SREK1IP1: variants seen among roughly 807,000 people sequenced by gnomAD.
SREK1IP1 encodes the protein SREK1 interacting protein 1, also known as protein SREK1IP1.
SREK1IP1 carries 12 observed loss-of-function variants against 22.8 expected under a neutral mutation model. The observed-to-expected ratio is 0.53, with a 90% confidence interval of 0.34 to 0.85. The LOEUF is 0.85. SREK1IP1 is among the 40% of genes least tolerant of loss of function. The pLI, the probability that SREK1IP1 is intolerant of heterozygous loss-of-function variation, is 0.02. For synonymous variants in SREK1IP1, 53 were observed against 52.7 expected, an observed-to-expected ratio of 1.01 and a Z score of -0.02; for missense variants, 147 against 171.8, an observed-to-expected ratio of 0.86 and a Z score of 0.81.
At chr5:64,752,818 T>C (rs1742773217) in intron 2 of SREK1IP1, among the ~76,000 whole-genome samples, 2 of 152,184 alleles carry the variant, frequency 1.3e-5, no homozygotes, top group Non-Finnish European at 2.9e-5. Flanking sequence ...ATGAAATTTC[T>C]ATTAGAAAGA....
At chr5:64,763,930 A>G (rs76651385) in intron 1 of SREK1IP1, among the ~76,000 whole-genome samples, 8,248 of 152,248 alleles carry the variant, frequency 0.054, 756 homozygotes, top group African/African-American at 0.19. Context: ...GCACAATTTA[A>G]CATTATTATA....
At chr5:64,739,981 T>A (rs1742526759) in intron 3 of SREK1IP1, among the ~76,000 whole-genome samples, 1 of 152,162 alleles carries the variant, frequency 6.6e-6, no homozygotes, top group African/African-American at 2.4e-5. Flanking sequence ...CTCTCATTCC[T>A]TGTCTAAGAT....
At chr5:64,733,385 C>T (rs1742410117) in intron 3 of SREK1IP1, among the ~76,000 whole-genome samples, 2 of 152,032 alleles carry the variant, frequency 1.3e-5, no homozygotes, top group Non-Finnish European at 2.9e-5. Flanking sequence ...TACACACACA[C>T]ATATATGTAT....
chr5:64,754,754 C>T (rs914331388), intron 1 of SREK1IP1: 4 of 159,826 alleles, frequency 2.5e-5, no homozygotes, highest in African/African-American at 9.6e-5. Context: ...AGCCACCGCA[C>T]CCAGTAGAAT....
chr5:64,718,180 C>A lies in SREK1IP1; in HGVS notation c.*6204G>T. 1 of 542,756 alleles carries A rather than the reference C, an allele frequency of 1.8e-6. No homozygotes were observed. The highest frequency in any genetic ancestry group is 3.0e-6 in the Non-Finnish European group (1 of 332,226). 33.6% of individuals were successfully genotyped at this position (542,756 alleles called of 1,614,324 possible). ...TCATTCAGTTACTTTATTAAACGCA[C>A]ATTAAGGTTTTATTGGTTTTCCTTT... is the stretch of plus-strand genomic sequence containing the variant. On this transcript the variant is annotated 3_prime_UTR_variant, in exon 5 of 5. Coordinates refer to ENST00000513458, the MANE Select transcript of SREK1IP1 (RefSeq NM_173829.4).
intron 1 of SREK1IP1, among the ~76,000 whole-genome samples, chr5:64,765,744 C>G (rs1034005723): frequency 6.6e-6 from 1 of 152,176 alleles, no homozygotes; most frequent in African/African-American, 2.4e-5. Context: ...TAACACTGGT[C>G]TAAGTTTAAG....
At chr5:64,766,537 A>G (rs1013424316) in intron 1 of SREK1IP1, among the ~76,000 whole-genome samples, 2 of 152,226 alleles carry the variant, frequency 1.3e-5, no homozygotes, top group Non-Finnish European at 2.9e-5. Context: ...TTTGTCTCCA[A>G]TCTACTTTCT....
rs148417968 is a variant in SREK1IP1, at chr5:64,746,952, G to A, written c.62-5752C>T. Among the ~76,000 whole-genome samples the A allele has an allele frequency of 1.2e-4, 18 of 152,292 alleles. No homozygotes were observed. In the East Asian group the frequency reaches 2.5e-3, roughly 21 times the overall value. ...CGAAAATTTGCTAGAAAGGCTCACAGAACTCAGCAAAACAGTTTACTTACT... is the reference window on the plus strand; with the variant it reads ...CGAAAATTTGCTAGAAAGGCTCACAAAACTCAGCAAAACAGTTTACTTACT... On this transcript the variant is annotated intron_variant, in intron 2 of 4. Coordinates refer to ENST00000513458, the MANE Select transcript of SREK1IP1 (RefSeq NM_173829.4).
intron 3 of SREK1IP1, among the ~76,000 whole-genome samples, chr5:64,734,172 T>C (rs1742420738): frequency 6.6e-6 from 1 of 152,136 alleles, no homozygotes; most frequent in African/African-American, 2.4e-5. Context: ...TAATCTACAA[T>C]ATTCTCAAAA....
intron 4 of SREK1IP1, among the ~76,000 whole-genome samples, chr5:64,726,773 C>T (rs995629403): frequency 5.3e-5 from 8 of 152,030 alleles, no homozygotes; most frequent in Non-Finnish European, 7.4e-5. Context: ...AACACAAAGC[C>T]TATTTTATAA....
At chr5:64,736,078 C>T (rs1448509884) in intron 3 of SREK1IP1, among the ~76,000 whole-genome samples, 4 of 152,084 alleles carry the variant, frequency 2.6e-5, no homozygotes, top group African/African-American at 9.7e-5. Flanking sequence ...AAATTACCTT[C>T]TAATTTTCTT....
chr5:64,764,045 G>C (rs540040301), intron 1 of SREK1IP1, among the ~76,000 whole-genome samples: 1 of 152,104 alleles, frequency 6.6e-6, no homozygotes, highest in Non-Finnish European at 1.5e-5. Context: ...CCTTTCTTAA[G>C]TAGTATTTTC....
chr5:64,743,883 C>T (rs1005370167), intron 2 of SREK1IP1, among the ~76,000 whole-genome samples: 1 of 152,106 alleles, frequency 6.6e-6, no homozygotes, highest in African/African-American at 2.4e-5. Flanking sequence ...AGGGCTCCCC[C>T]ACTCACAAAG....
intron 4 of SREK1IP1, chr5:64,727,553 A>ATATATATATATATATATATATATTT: frequency 1.2e-5 from 1 of 84,716 alleles, no homozygotes; most frequent in African/African-American, 5.5e-5. Context: ...ATATATATAT[A>ATATATATATATATATATATATATTT]TTTTTTTTTT....
chr5:64,727,012 C>T (rs1447298546), intron 4 of SREK1IP1, among the ~76,000 whole-genome samples: 1 of 152,138 alleles, frequency 6.6e-6, no homozygotes, highest in Non-Finnish European at 1.5e-5. Flanking sequence ...TTTAATAATA[C>T]ATTAACAGAA....
At chr5:64,730,820 G>A (rs1191911561) in intron 3 of SREK1IP1, among the ~76,000 whole-genome samples, 1 of 152,180 alleles carries the variant, frequency 6.6e-6, no homozygotes, top group Non-Finnish European at 1.5e-5. Context: ...CCTTTGCACT[G>A]CTGTAAGGGG....
intron 1 of SREK1IP1, among the ~76,000 whole-genome samples, chr5:64,762,145 T>A (rs562441550): frequency 6.6e-6 from 1 of 152,232 alleles, no homozygotes; most frequent in East Asian, 1.9e-4. Flanking sequence ...ACTTAATATA[T>A]TTTTCCTATT....
intron 4 of SREK1IP1, chr5:64,727,647 C>A (rs1489164984): frequency 1.3e-5 from 2 of 149,592 alleles, no homozygotes; most frequent in Non-Finnish European, 2.9e-5. Context: ...TGGGCTCAAG[C>A]AATCCTCTCA....
chr5:64,737,624 A>G (rs1742487945), intron 3 of SREK1IP1, among the ~76,000 whole-genome samples: 1 of 151,580 alleles, frequency 6.6e-6, no homozygotes, highest in Non-Finnish European at 1.5e-5. Context: ...AAACAACAGA[A>G]AAGCCCAAAG....
Sources: allele counts gnomAD v4.1 joint callset (sites outside exome capture counted in the v4.1 genomes callset), GRCh38; gene constraint gnomAD v4.1.1; transcripts MANE v1.5; gene names NCBI Gene and HGNC (gene_info 2026-07-23, HGNC 2026-07-21).